Variants in NBEA observed in about 807,000 individuals in gnomAD.
The protein encoded by NBEA is lysosomal-trafficking regulator 2.
A neutral mutation model predicts 343.4 loss-of-function variants in NBEA; 44 were observed. The ratio of observed to expected loss-of-function variants is 0.13; its 90% CI spans 0.10 to 0.16. The LOEUF (loss-of-function observed/expected upper bound fraction) is 0.16. NBEA is among the 10% of genes least tolerant of loss of function. The pLI, the probability that NBEA is intolerant of heterozygous loss-of-function variation, is 1.00. For synonymous variants in NBEA, 1,175 were observed against 1,238.7 expected, an observed-to-expected ratio of 0.95 and a Z score of 1.08; for missense variants, 2,555 against 3,631.3, an observed-to-expected ratio of 0.70 and a Z score of 7.62.
intron 55 of NBEA, among the ~76,000 whole-genome samples, chr13:35,660,094 A>G (rs551835835): frequency 3.3e-5 from 5 of 152,302 alleles, no homozygotes; most frequent in South Asian, 2.1e-4. Context: ...AAAAGGATCA[A>G]TGGTATTCCT....
chr13:35,278,016 G>A (rs1594051928), intron 34 of NBEA, among the ~76,000 whole-genome samples: 1 of 151,346 alleles, frequency 6.6e-6, no homozygotes, highest in Admixed American at 6.6e-5. Flanking sequence ...GCACCCAGGA[G>A]GCAGAGGTTG....
At chr13:35,544,854 T>A (rs910411533) in intron 41 of NBEA, among the ~76,000 whole-genome samples, 2 of 152,188 alleles carry the variant, frequency 1.3e-5, no homozygotes, top group Admixed American at 1.3e-4. Flanking sequence ...TATCAAAAAT[T>A]ATGTTTATTC....
chr13:35,498,636 T>C (rs1382369989), intron 41 of NBEA, among the ~76,000 whole-genome samples: 4 of 152,136 alleles, frequency 2.6e-5, no homozygotes, highest in Non-Finnish European at 5.9e-5. Flanking sequence ...GACTATTTAA[T>C]TTATGCAAAT....
chr13:35,604,699 A>G (rs2082209085), intron 47 of NBEA, among the ~76,000 whole-genome samples: 1 of 152,148 alleles, frequency 6.6e-6, no homozygotes, highest in Admixed American at 6.6e-5. Context: ...ATCTGGCCTC[A>G]TATACCTCCC....
intron 47 of NBEA, among the ~76,000 whole-genome samples, chr13:35,595,980 T>C (rs1190647507): frequency 6.6e-6 from 1 of 152,138 alleles, no homozygotes; most frequent in Non-Finnish European, 1.5e-5. Flanking sequence ...GGGTCACATG[T>C]CTTTTTCTTA....
At chr13:35,415,676 C>T (rs950052441) in intron 38 of NBEA, among the ~76,000 whole-genome samples, 7 of 152,036 alleles carry the variant, frequency 4.6e-5, no homozygotes, top group African/African-American at 1.7e-4. Flanking sequence ...GTGATGCCTC[C>T]AGCTTTGTTC....
intron 35 of NBEA, among the ~76,000 whole-genome samples, chr13:35,297,928 T>A (rs2036244826): frequency 6.6e-6 from 1 of 151,634 alleles, no homozygotes; most frequent in South Asian, 2.1e-4. Context: ...TATGTAACCA[T>A]CAACACTACA....
intron 38 of NBEA, among the ~76,000 whole-genome samples, chr13:35,360,619 T>C (rs2040756860): frequency 6.6e-6 from 1 of 151,972 alleles, no homozygotes; most frequent in Non-Finnish European, 1.5e-5. Flanking sequence ...GGTAAATACT[T>C]TTTAAATGAA....
intron 49 of NBEA, among the ~76,000 whole-genome samples, chr13:35,640,927 T>A (rs2083916670): frequency 6.6e-6 from 1 of 151,976 alleles, no homozygotes. Context: ...TCTCGGTGAG[T>A]CTTAGCTGGA....
At chr13:35,216,440 A>G (rs942719343) in intron 33 of NBEA, among the ~76,000 whole-genome samples, 5 of 151,868 alleles carry the variant, frequency 3.3e-5, no homozygotes, top group African/African-American at 1.2e-4. Context: ...AGCTTAAAAT[A>G]TTTACTGTCT....
intron 47 of NBEA, among the ~76,000 whole-genome samples, chr13:35,603,936 A>C (rs1011540370): frequency 2.0e-5 from 3 of 152,242 alleles, no homozygotes; most frequent in Non-Finnish European, 4.4e-5. Context: ...AGTGAGAGTA[A>C]GAGCAGAAGA....
chr13:35,254,394 G>A (rs1299164956), intron 34 of NBEA, among the ~76,000 whole-genome samples: 1 of 147,120 alleles, frequency 6.8e-6, no homozygotes, highest in Non-Finnish European at 1.5e-5. Flanking sequence ...CATGATCACA[G>A]ATCACTGCAG....
chr13:35,528,278 T>A (rs1384048066), intron 41 of NBEA, among the ~76,000 whole-genome samples: 2 of 152,232 alleles, frequency 1.3e-5, no homozygotes, highest in African/African-American at 4.8e-5. Flanking sequence ...AAACTCTGTT[T>A]GTCTTTTTTT....
chr13:35,093,326 AAAAG>A, intron 10 of NBEA, among the ~76,000 whole-genome samples: 1 of 152,126 alleles, frequency 6.6e-6, no homozygotes, highest in South Asian at 2.1e-4. Flanking sequence ...AAAAAAAAAA[AAAAG>A]AGAAATTTCA....
chr13:35,394,706 A>G (rs2042662056), intron 38 of NBEA, among the ~76,000 whole-genome samples: 1 of 152,072 alleles, frequency 6.6e-6, no homozygotes. Context: ...CTAGACATGG[A>G]TCCAGCTAAA....
At chr13:35,183,944 G>A in intron 29 of NBEA, 32 bp from the exon 30 acceptor site, 4 of 1,544,290 alleles carry the variant, frequency 2.6e-6, no homozygotes, top group Non-Finnish European at 2.7e-6. Context: ...TTACATGCTG[G>A]CTCAAATTTG....
At chr13:35,380,824 G>A (rs1566053325) in intron 38 of NBEA, among the ~76,000 whole-genome samples, 1 of 152,126 alleles carries the variant, frequency 6.6e-6, no homozygotes, top group African/African-American at 2.4e-5. Flanking sequence ...ATGATAATGA[G>A]AATCCTTGTC....
At chr13:35,108,109 C>T (rs2066009018) in intron 11 of NBEA, among the ~76,000 whole-genome samples, 1 of 151,984 alleles carries the variant, frequency 6.6e-6, no homozygotes, top group Non-Finnish European at 1.5e-5. Flanking sequence ...AAGACAATTT[C>T]ATCCCTTTTA....
intron 38 of NBEA, among the ~76,000 whole-genome samples, chr13:35,418,495 A>G (rs73502765): frequency 0.015 from 2,222 of 152,166 alleles, 69 homozygotes; most frequent in African/African-American, 0.05. Flanking sequence ...AAGGAAATGC[A>G]TGATGTTGTT....
Sources: gnomAD v4.1 joint callset for allele counts (sites outside exome capture counted in the v4.1 genomes callset) on GRCh38, gnomAD v4.1.1 for gene constraint, MANE v1.5 for transcripts, NCBI Gene and HGNC (gene_info 2026-07-23, HGNC 2026-07-21) for gene names.